WDR33: variants seen among roughly 807,000 people sequenced by gnomAD.
WDR33 encodes the protein pre-mRNA 3' end processing protein WDR33.
A neutral mutation model predicts 164.9 loss-of-function variants in WDR33; 47 were observed. That is an observed-to-expected ratio of 0.29 (90% confidence interval 0.23 to 0.36). The LOEUF (loss-of-function observed/expected upper bound fraction) is 0.36. Ranked by LOEUF, WDR33 falls within the 10% of genes least tolerant of loss-of-function variation. WDR33 has a pLI of 1.00. For synonymous variants in WDR33, 505 were observed against 589.0 expected (o/e 0.86, Z 2.06); for missense variants, 1,137 against 1,754.1 (o/e 0.65, Z 6.28).
chr2:127,750,722 G>GTATA (rs1558937056), intron 7 of WDR33, among the ~76,000 whole-genome samples: 19 of 36,996 alleles, frequency 5.1e-4, no homozygotes, highest in African/African-American at 2.0e-3. Context: ...ATGTATGTAT[G>GTATA]CATACATATA....
Position 127,702,285 on chromosome 2 carries a change from C to T in WDR33, c.*4038G>A, listed in dbSNP as rs1033010553. On this transcript the variant is annotated 3_prime_UTR_variant, in exon 22 of 22. Transcript: ENST00000322313. ...GCTGTGCGGAAGCCCGTGGCGAAGG[C>T]CCTGCCCTAACAGCCTGCGAGTCTA... 8 of 1,078,028 alleles carry T rather than the reference C, an allele frequency of 7.4e-6. No homozygotes were observed. In the African/African-American group the frequency reaches 1.3e-4, roughly 18 times the overall value. The allele number at this position is 1,078,028 out of a possible 1,614,324, so 66.8% of individuals were successfully genotyped here.
Position 127,706,496 on chromosome 2 carries a change from A to C in WDR33, c.3838T>G (p.Leu1280Val). Residue 1280 changes from leucine (L) to valine (V), a missense_variant, in exon 22 of 22, where the codon TTA (leucine) becomes GTA (valine). Transcript: ENST00000322313. The surrounding 1 kb of genome is among the most constrained non-coding windows in gnomAD (Gnocchi z 5.1). Reference protein sequence around the residue: ...RVPKSGRSSSLDGEHHDGYHR... With the variant: ...RVPKSGRSSSVDGEHHDGYHR... ...TATCCATCGTGGTGCTCTCCGTCTA[A>C]GGAGCTGGAACGCCCAGATTTGGGC... 2 of 1,613,230 alleles carry C rather than the reference A, an allele frequency of 1.2e-6. No individual in the cohort carries two copies. The highest frequency in any genetic ancestry group is 1.7e-6 in the Non-Finnish European group (2 of 1,179,620).
intron 7 of WDR33, among the ~76,000 whole-genome samples, chr2:127,747,241 T>A (rs1257357780): frequency 6.6e-6 from 1 of 152,236 alleles, no homozygotes; most frequent in East Asian, 1.9e-4. Context: ...TGGAATATGC[T>A]GTTTTTTCCA....
At chr2:127,788,090 C>A (rs1688665235) in intron 1 of WDR33, among the ~76,000 whole-genome samples, 1 of 97,522 alleles carries the variant, frequency 1.0e-5, no homozygotes, top group African/African-American at 5.1e-5. Flanking sequence ...CACCTCCCTC[C>A]CGGACGGGGC....
chr2:127,730,827 C>T (rs1196739148), intron 7 of WDR33, among the ~76,000 whole-genome samples: 1 of 151,878 alleles, frequency 6.6e-6, no homozygotes, highest in South Asian at 2.1e-4. Flanking sequence ...TCCACATTTC[C>T]TCTAGTATAA....
At chr2:127,733,310 T>C (rs1686756898) in intron 7 of WDR33, among the ~76,000 whole-genome samples, 1 of 152,172 alleles carries the variant, frequency 6.6e-6, no homozygotes, top group African/African-American at 2.4e-5. Flanking sequence ...CAGGAGTCTA[T>C]AGGTAGACTG....
rs969197625 is a variant in WDR33 at position 127,738,399 on chromosome 2, C to T, written c.725-11622G>A. On this transcript the variant is annotated intron_variant, in intron 7 of 21. Coordinates refer to ENST00000322313, the MANE Select transcript of WDR33 (RefSeq NM_018383.5). This position sits in a 1 kb window ranked among gnomAD's most constrained non-coding sequence, Gnocchi z 4.4. ...GTGAAGTCTCCCATGCCTAAGAATTCCACATAATTTACACAGTTACTCCAC... is the reference window on the plus strand; with the variant it reads ...GTGAAGTCTCCCATGCCTAAGAATTTCACATAATTTACACAGTTACTCCAC... Among the ~76,000 whole-genome samples, 3 of 152,056 alleles carry T rather than the reference C, an allele frequency of 2.0e-5. No homozygotes were observed. Among genetic ancestry groups the T allele is most frequent in the African/African-American group, 7.2e-5 (3 of 41,416 alleles).
Position 127,763,307 on chromosome 2 carries a change from G to A in WDR33, c.627-148C>T, listed in dbSNP as rs1049093149. The stretch of plus-strand genomic sequence containing the variant: ...TGAAGAAGCCCTTAAAGTGAATGTC[G>A]TCAGCTAACATAGGCATCTCATCAA... On this transcript the variant is annotated intron_variant, in intron 6 of 21. Transcript: ENST00000322313. The surrounding 1 kb of genome is among the most constrained non-coding windows in gnomAD (Gnocchi z 4.5). The A allele has an allele frequency of 1.4e-4, 198 of 1,456,474 alleles. No homozygotes were observed. Among genetic ancestry groups the A allele is most frequent in the Middle Eastern group, 1.3e-3 (7 of 5,506 alleles). 90.2% of individuals were successfully genotyped at this position (1,456,474 alleles called of 1,614,324 possible).
At chr2:127,800,842 T>A (rs1689211870) in intron 1 of WDR33, among the ~76,000 whole-genome samples, 1 of 152,138 alleles carries the variant, frequency 6.6e-6, no homozygotes, top group Non-Finnish European at 1.5e-5. Context: ...TCCTTCCTTT[T>A]ACAAAAAATA....
At position 127,773,813 on chromosome 2, in the gene WDR33, G is replaced by GA. The variant is rs550842976; in HGVS notation, c.-23-2810dup. ...GGGTCTCGCTCTGTTGCCCAGGCTG[G>GA]AGTGCAGTGGTGCGATCTCGGCTCA... On this transcript the variant is annotated intron_variant, in intron 1 of 21. Transcript: ENST00000322313. Among the ~76,000 whole-genome samples, 13 of 152,248 alleles carry GA rather than the reference G, an allele frequency of 8.5e-5. No individual in the cohort carries two copies. The South Asian group carries it at 2.5e-3, about 29-fold the overall frequency.
At chr2:127,751,282 G>A (rs552234425) in intron 7 of WDR33, among the ~76,000 whole-genome samples, 6 of 151,846 alleles carry the variant, frequency 4.0e-5, no homozygotes, top group Middle Eastern at 3.4e-3. Flanking sequence ...GATCACTTGA[G>A]CCTGGCAGGT....
chr2:127,784,391 T>C (rs1416533454), intron 1 of WDR33, among the ~76,000 whole-genome samples: 3 of 152,178 alleles, frequency 2.0e-5, no homozygotes, highest in African/African-American at 7.2e-5. Context: ...TTTTATTCTT[T>C]TTTTGTTTTT....
chr2:127,769,298 G>A (rs935566696), intron 2 of WDR33, among the ~76,000 whole-genome samples: 4 of 151,984 alleles, frequency 2.6e-5, no homozygotes, highest in Non-Finnish European at 5.9e-5. Flanking sequence ...GACCAGCCTG[G>A]CCAACATGGT....
At chr2:127,715,309 T>C (rs942269426) in intron 17 of WDR33, among the ~76,000 whole-genome samples, 1 of 152,076 alleles carries the variant, frequency 6.6e-6, no homozygotes, top group Non-Finnish European at 1.5e-5. Context: ...AGTCTTGAAC[T>C]CCTGACCTCA....
chr2:127,747,456 A>G (rs1044127570), intron 7 of WDR33, among the ~76,000 whole-genome samples: 3 of 152,172 alleles, frequency 2.0e-5, no homozygotes, highest in East Asian at 1.9e-4. Context: ...AAAAAAAGTA[A>G]AAACTTTTAC....
rs1329678353 is a variant in WDR33 at position 127,770,001 on chromosome 2, C to G, written c.204+777G>C. Among the ~76,000 whole-genome samples the G allele has an allele frequency of 6.6e-6, 1 of 152,180 alleles. No homozygotes were observed. Among genetic ancestry groups the G allele is most frequent in the East Asian group, 1.9e-4 (1 of 5,200 alleles). ...GCAGTAGGCGTTCAATCCTCAAGAA[C>G]GTAAAGCCCTTTTCCTGACTCTAAG... On this transcript the variant is annotated intron_variant, in intron 2 of 21. Coordinates refer to ENST00000322313, the MANE Select transcript of WDR33 (RefSeq NM_018383.5). The surrounding 1 kb of genome is among the most constrained non-coding windows in gnomAD (Gnocchi z 4.9).
chr2:127,801,139 C>T (rs1466871344), intron 1 of WDR33, among the ~76,000 whole-genome samples: 2 of 151,474 alleles, frequency 1.3e-5, no homozygotes, highest in Non-Finnish European at 2.9e-5. Context: ...ACAAAATTAG[C>T]CAGGCATGGT....
intron 1 of WDR33, among the ~76,000 whole-genome samples, chr2:127,776,347 C>T (rs1349835577): frequency 6.6e-6 from 1 of 152,154 alleles, no homozygotes; most frequent in Non-Finnish European, 1.5e-5. Context: ...ACCCCCGCAC[C>T]CAGTCTATGG....
In WDR33 at chr2:127,735,249, A is replaced by T; in HGVS notation, c.725-8472T>A. 1 of 383,614 alleles carries T rather than the reference A, an allele frequency of 2.6e-6. No homozygotes were observed. The highest frequency in any genetic ancestry group is 3.6e-6 in the Non-Finnish European group (1 of 279,898). 23.8% of individuals were successfully genotyped at this position (383,614 alleles called of 1,614,324 possible). On this transcript the variant is annotated intron_variant, in intron 7 of 21. Transcript: ENST00000322313. This position sits in a 1 kb window ranked among gnomAD's most constrained non-coding sequence, Gnocchi z 4.3. Reference sequence around the variant, plus strand: ...ACTTTGTGCCCTGTGCATTTTTCTCAGGCCCTCACCCCTCCTCCACCTGAT... The same window carrying T: ...ACTTTGTGCCCTGTGCATTTTTCTCTGGCCCTCACCCCTCCTCCACCTGAT...
Sources: gnomAD v4.1 joint callset for allele counts (sites outside exome capture counted in the v4.1 genomes callset) on GRCh38, gnomAD v4.1.1 for gene constraint, Gnocchi (gnomAD v3.1) non-coding constraint, MANE v1.5 for transcripts, NCBI Gene and HGNC (gene_info 2026-07-23, HGNC 2026-07-21) for gene names.